Variants in ELMO2 observed in about 807,000 individuals in gnomAD.
The protein encoded by ELMO2 is engulfment and cell motility protein 2.
A neutral mutation model predicts 96.2 loss-of-function variants in ELMO2; 37 were observed. The observed-to-expected ratio is 0.38, with a 90% CI of 0.30 to 0.51. The LOEUF is 0.51. ELMO2 is among the 20% of genes least tolerant of loss of function. ELMO2 has a pLI of 0.88. For synonymous variants in ELMO2, 315 were observed against 329.4 expected, an observed-to-expected ratio of 0.96 and a Z score of 0.47; for missense variants, 561 against 912.6, an observed-to-expected ratio of 0.61 and a Z score of 4.96.
At chr20:46,393,862 T>A (rs758603608) in intron 4 of ELMO2, 187 bp downstream of exon 4, 83 of 849,746 alleles carry the variant, frequency 9.8e-5, no homozygotes, top group Non-Finnish European at 1.3e-4. Context: ...AAGGAAAAAA[T>A]TAAGAAGTAT....
chr20:46,376,945 T>A, intron 11 of ELMO2: 1 of 540,672 alleles, frequency 1.8e-6, no homozygotes, highest in Non-Finnish European at 2.9e-6. Context: ...TGCTTAGTAG[T>A]CACCGTGGCT....
chr20:46,386,468 T>G (rs1365153877), intron 8 of ELMO2, among the ~76,000 whole-genome samples, 193 bp from the exon 9 acceptor site: 1 of 152,228 alleles, frequency 6.6e-6, no homozygotes, highest in Admixed American at 6.5e-5. Flanking sequence ...TACCTTAATC[T>G]CAGATTATAG....
intron 10 of ELMO2, among the ~76,000 whole-genome samples, chr20:46,381,579 T>C (rs1600847144): frequency 1.3e-5 from 2 of 152,140 alleles, no homozygotes; most frequent in Admixed American, 6.5e-5. Context: ...CTGGTAACTA[T>C]AGGAGGTCGA....
chr20:46,401,433 C>T (rs993763329), intron 1 of ELMO2, among the ~76,000 whole-genome samples: 1 of 152,170 alleles, frequency 6.6e-6, no homozygotes, highest in African/African-American at 2.4e-5. Flanking sequence ...CACAAACTTA[C>T]ATAGAGGCAA....
chr20:46,386,154 G>T lies in ELMO2; in HGVS notation c.647C>A (p.Thr216Asn), dbSNP rs1452836231. The T allele has an allele frequency of 6.2e-7, 1 of 1,614,146 alleles. No homozygotes were observed. Residue 216 changes from threonine (T) to asparagine (N), a missense_variant, in exon 9 of 22, where the codon ACC becomes AAC. Thr to Asn is a moderately conservative substitution (Grantham distance 65). Coordinates refer to ENST00000290246, the MANE Select transcript of ELMO2 (RefSeq NM_133171.5). Reference protein sequence around the residue: ...SLYQKIAEEITVGQLISHLQV... With the variant: ...SLYQKIAEEINVGQLISHLQV... ...GAGGTGTGAGATGAGCTGTCCCACG[G>T]TGATTTCCTCGGCTATCTTCTGGTA...
chr20:46,380,933 C>T (rs1332493868), intron 10 of ELMO2, among the ~76,000 whole-genome samples: 1 of 152,132 alleles, frequency 6.6e-6, no homozygotes, highest in Non-Finnish European at 1.5e-5. Context: ...TTATTTAGCC[C>T]ACCCAGGAAA....
rs546819827 is a variant in ELMO2 at position 46,371,778 on chromosome 20, C to G, written c.1580+28G>C. The G allele has an allele frequency of 5.0e-6, 8 of 1,613,924 alleles. No homozygotes were observed. The highest frequency in any genetic ancestry group is 1.1e-5 in the South Asian group (1 of 91,074). Reference sequence around the variant, plus strand: ...AAGCAGAGCTGGCAGCCACCTCCCCCGCCAGCCTCCCCTGAGATGGAACTT... The same window carrying G: ...AAGCAGAGCTGGCAGCCACCTCCCCGGCCAGCCTCCCCTGAGATGGAACTT... On this transcript the variant is annotated intron_variant, in intron 17 of 21. Coordinates refer to ENST00000290246, the MANE Select transcript of ELMO2 (RefSeq NM_133171.5). This position sits in a 1 kb window ranked among gnomAD's most constrained non-coding sequence, Gnocchi z 5.9.
At chr20:46,368,056 G>A (rs1292661373) in intron 21 of ELMO2, among the ~76,000 whole-genome samples, 4 of 152,156 alleles carry the variant, frequency 2.6e-5, no homozygotes, top group Admixed American at 2.0e-4. Context: ...CTAAGAGGGG[G>A]TGACCAGGAA....
chr20:46,398,352 G>A (rs376217903), intron 2 of ELMO2, among the ~76,000 whole-genome samples: 5 of 151,532 alleles, frequency 3.3e-5, no homozygotes, highest in African/African-American at 7.3e-5. Flanking sequence ...TGCTCTTGTC[G>A]CCTAGGCTGA....
chr20:46,385,515 G>A (rs181415620), intron 9 of ELMO2, among the ~76,000 whole-genome samples: 1 of 152,310 alleles, frequency 6.6e-6, no homozygotes, highest in African/African-American at 2.4e-5. Flanking sequence ...CTATTCTAGA[G>A]ATGAAGAAAC....
chr20:46,401,566 TA>T (rs2060336454), intron 1 of ELMO2, among the ~76,000 whole-genome samples: 3 of 152,150 alleles, frequency 2.0e-5, no homozygotes, highest in African/African-American at 7.2e-5. Context: ...AGTGTTCCTA[TA>T]CTTAAAGAAT....
chr20:46,405,971 C>T (rs2060431897), intron 1 of ELMO2, among the ~76,000 whole-genome samples: 1 of 152,204 alleles, frequency 6.6e-6, no homozygotes, highest in South Asian at 2.1e-4. Flanking sequence ...GCAGGGCAGA[C>T]CAGTTAACAC....
Position 46,375,213 on chromosome 20 carries a change from C to T in ELMO2, c.1065+23G>A, listed in dbSNP as rs749331283. 27 of 1,609,522 alleles carry T rather than the reference C, an allele frequency of 1.7e-5. 1 individual carries two copies. In the East Asian group the frequency reaches 3.1e-4, roughly 19 times the overall value. On this transcript the variant is annotated intron_variant, in intron 13 of 21. Transcript: ENST00000290246. This position sits in a 1 kb window ranked among gnomAD's most constrained non-coding sequence, Gnocchi z 4.6. The stretch of plus-strand genomic sequence containing the variant: ...CCCATCAGGGGAGAGGGCCTACCAC[C>T]GTCTATGCTCTGAGGTACTTACGGT...
chr20:46,376,839 C>A, intron 11 of ELMO2: 1 of 1,259,240 alleles, frequency 7.9e-7, no homozygotes, highest in South Asian at 1.3e-5. Flanking sequence ...TCCAGTATAG[C>A]AGCCACTAGC....
chr20:46,373,393 A>G lies in ELMO2; in HGVS notation c.1416+6T>C, dbSNP rs2059772905. 1 of 1,614,168 alleles carries G rather than the reference A, an allele frequency of 6.2e-7. No individual in the cohort carries two copies. The highest frequency in any genetic ancestry group is 8.5e-7 in the Non-Finnish European group (1 of 1,180,024). On this transcript the variant is annotated splice_donor_region_variant and intron_variant, in intron 16 of 21. Transcript: ENST00000290246. ...GTGGGCCTCAGAGCAGCCCGGAGAC[A>G]CTGACCTTGTTGAAGTCCTCTGCTG...
chr20:46,375,890 C>A lies in ELMO2; in HGVS notation c.808-100G>T. On this transcript the variant is annotated intron_variant, in intron 11 of 21. Transcript: ENST00000290246. The surrounding 1 kb of genome is among the most constrained non-coding windows in gnomAD (Gnocchi z 4.6). Reference sequence around the variant, plus strand: ...AAAGGAATGTATGTTGGGAAGGGAACAGAGCTTTCCTCCCACACACGAGGA... The same window carrying A: ...AAAGGAATGTATGTTGGGAAGGGAAAAGAGCTTTCCTCCCACACACGAGGA... 3.4e-6 allele frequency: 5 copies of A among 1,482,100 alleles called. No individual in the cohort carries two copies. The highest frequency in any genetic ancestry group is 4.6e-6 in the Non-Finnish European group (5 of 1,088,558). The allele number at this position is 1,482,100 out of a possible 1,614,324, so 91.8% of individuals were successfully genotyped here. A position where few individuals can be genotyped will look rare whatever the true frequency, so the allele number is the denominator to read the frequency against.
intron 9 of ELMO2, among the ~76,000 whole-genome samples, chr20:46,384,320 C>T (rs1475143103): frequency 1.3e-5 from 2 of 152,164 alleles, no homozygotes; most frequent in African/African-American, 4.8e-5. Context: ...TCTCCACCTG[C>T]CATGTCTTGG....
intron 16 of ELMO2, among the ~76,000 whole-genome samples, chr20:46,372,180 T>C (rs1346387818): frequency 6.6e-6 from 1 of 152,166 alleles, no homozygotes; most frequent in South Asian, 2.1e-4. Flanking sequence ...TATATTTCAA[T>C]TGGTCAATGG....
At position 46,373,496 on chromosome 20, in the gene ELMO2, G is replaced by C; in HGVS notation, c.1319C>G (p.Thr440Ser). 6.2e-7 allele frequency: 1 copy of C among 1,614,218 alleles called. No homozygotes were observed. Among genetic ancestry groups the C allele is most frequent in the Non-Finnish European group, 8.5e-7 (1 of 1,180,038 alleles). Residue 440 changes from threonine to serine, a missense_variant, in exon 16 of 22, where the codon ACC (threonine) becomes AGC (serine). By Grantham distance (58) the Thr-to-Ser change is moderately conservative. Transcript: ENST00000290246. Reference protein sequence around the residue: ...GRNDYHPMFFTHDRAFEELFG... With the variant: ...GRNDYHPMFFSHDRAFEELFG... ...GAGCTCTTCAAAGGCTCGGTCATGG[G>C]TAAAGAACATCGGGTGGTAGTCATT...
Sources: gnomAD v4.1 joint callset for allele counts (sites outside exome capture counted in the v4.1 genomes callset) on GRCh38, gnomAD v4.1.1 for gene constraint, Gnocchi (gnomAD v3.1) non-coding constraint, MANE v1.5 for transcripts, NCBI Gene and HGNC (gene_info 2026-07-23, HGNC 2026-07-21) for gene names.